CDH12: variants seen among roughly 807,000 people sequenced by gnomAD.
CDH12 encodes the protein cadherin-12.
Under a neutral mutation model 74.1 loss-of-function variants are expected in CDH12, and 41 were observed. The ratio of observed to expected loss-of-function variants is 0.55; its 90% CI spans 0.43 to 0.72. The LOEUF is 0.72. CDH12 is among the 30% of genes least tolerant of loss of function. CDH12 has a pLI of 0.00. For synonymous variants in CDH12, 399 were observed against 355.0 expected (o/e 1.12, Z -1.39); for missense variants, 945 against 977.2 (o/e 0.97, Z 0.44).
intron 3 of CDH12, among the ~76,000 whole-genome samples, chr5:22,249,340 G>T (rs1340826109): frequency 2.0e-5 from 3 of 152,166 alleles, no homozygotes; most frequent in African/African-American, 7.2e-5. Flanking sequence ...AAGCAGAATG[G>T]TCATGAAAGA....
intron 10 of CDH12, among the ~76,000 whole-genome samples, chr5:21,792,832 T>C (rs1010348325): frequency 6.6e-6 from 1 of 151,756 alleles, no homozygotes; most frequent in Admixed American, 6.6e-5. Context: ...CTTGCTCTAA[T>C]AGAAAGAAAA....
At chr5:22,439,110 A>T (rs1016056697) in intron 2 of CDH12, among the ~76,000 whole-genome samples, 1 of 151,870 alleles carries the variant, frequency 6.6e-6, no homozygotes, top group African/African-American at 2.4e-5. Flanking sequence ...AACAAAGGGA[A>T]ATAATACAAA....
At chr5:22,495,201 C>T (rs1056061331) in intron 2 of CDH12, among the ~76,000 whole-genome samples, 2 of 151,884 alleles carry the variant, frequency 1.3e-5, no homozygotes, top group African/African-American at 2.4e-5. Context: ...TCAAACAACA[C>T]AAAAAAATGG....
chr5:22,023,562 A>G (rs56761758), intron 5 of CDH12, among the ~76,000 whole-genome samples: 2,101 of 151,462 alleles, frequency 0.014, 48 homozygotes, highest in African/African-American at 0.049. Flanking sequence ...ATATATACAC[A>G]CGAATATTCT....
chr5:22,150,023 G>A (rs4510546), intron 4 of CDH12, among the ~76,000 whole-genome samples: 77,073 of 151,600 alleles, frequency 0.51, 19,749 homozygotes, highest in Middle Eastern at 0.61. Flanking sequence ...AAAATATTTC[G>A]CTCATAAATT....
intron 1 of CDH12, among the ~76,000 whole-genome samples, chr5:22,804,588 C>T (rs1361373757): frequency 1.3e-5 from 2 of 152,168 alleles, no homozygotes; most frequent in African/African-American, 2.4e-5. Flanking sequence ...GGTAGACCAC[C>T]TTCTCTGGGA....
rs143819687 is a variant in CDH12, at chr5:22,717,887, C to A, written c.-523+135171G>T. 1.0e-3 allele frequency among the ~76,000 whole-genome samples: 153 copies of A among 152,142 alleles called. 2 individuals carry two copies. Among genetic ancestry groups the A allele is most frequent in the African/African-American group, 3.5e-3 (147 of 41,502 alleles). ...AGACAGACCTTGTGTCCTGATCTTG[C>A]CTAAAAACTAATATCTACATCCACA... On this transcript the variant is annotated intron_variant, in intron 1 of 14. Transcript: ENST00000382254.
intron 6 of CDH12, among the ~76,000 whole-genome samples, chr5:21,931,047 T>C (rs558273647): frequency 6.6e-6 from 1 of 152,300 alleles, no homozygotes; most frequent in East Asian, 1.9e-4. Flanking sequence ...CTCTCAGTGT[T>C]AATGTTAATA....
At chr5:22,516,822 G>A (rs1267281710) in intron 1 of CDH12, among the ~76,000 whole-genome samples, 1 of 151,154 alleles carries the variant, frequency 6.6e-6, no homozygotes, top group East Asian at 1.9e-4. Flanking sequence ...TAAAATTGTG[G>A]CATATTAATT....
At chr5:22,409,316 T>C (rs1462338060) in intron 2 of CDH12, among the ~76,000 whole-genome samples, 1 of 152,018 alleles carries the variant, frequency 6.6e-6, no homozygotes, top group South Asian at 2.1e-4. Flanking sequence ...TATACACTTG[T>C]AGCACAGCAT....
chr5:22,682,276 A>T (rs1370249119), intron 1 of CDH12, among the ~76,000 whole-genome samples: 1 of 152,132 alleles, frequency 6.6e-6, no homozygotes, highest in Non-Finnish European at 1.5e-5. Context: ...TGCTGTTATC[A>T]CATCAATATT....
At chr5:21,794,503 G>C (rs1746673337) in intron 10 of CDH12, among the ~76,000 whole-genome samples, 1 of 151,696 alleles carries the variant, frequency 6.6e-6, no homozygotes, top group South Asian at 2.1e-4. Flanking sequence ...AGCTACTCCT[G>C]CAGTTTCTAA....
chr5:21,834,083 A>T (rs569393819), intron 8 of CDH12, among the ~76,000 whole-genome samples: 55 of 151,994 alleles, frequency 3.6e-4, no homozygotes, highest in African/African-American at 1.3e-3. Context: ...TATTTCTATT[A>T]CTCATGCCTA....
rs114537981 is a variant in CDH12 at position 22,533,165 on chromosome 5, T to C, written c.-522-27801A>G. 4.9e-3 allele frequency among the ~76,000 whole-genome samples: 740 copies of C among 152,288 alleles called. 6 individuals are homozygous for C. The highest frequency in any genetic ancestry group is 0.017 in the African/African-American group (715 of 41,566). On this transcript the variant is annotated intron_variant, in intron 1 of 14. Coordinates refer to ENST00000382254, the MANE Select transcript of CDH12 (RefSeq NM_004061.5). The stretch of plus-strand genomic sequence containing the variant: ...TCAGTGGTTCTCAACAGGGAGAGAT[T>C]TGACAATGTCAGGGGACATTTTTGG...
intron 4 of CDH12, chr5:22,144,287 TG>T (rs1747013926): frequency 6.6e-6 from 1 of 152,176 alleles, no homozygotes; most frequent in South Asian, 2.1e-4. Flanking sequence ...TCATATCTAT[TG>T]GTTACAGTTT....
intron 1 of CDH12, among the ~76,000 whole-genome samples, chr5:22,597,105 C>T (rs1736639597): frequency 6.6e-6 from 1 of 152,110 alleles, no homozygotes; most frequent in Non-Finnish European, 1.5e-5. Context: ...TCTCTCCACC[C>T]AATTAATCAA....
chr5:22,089,210 A>G (rs1448546321), intron 4 of CDH12, among the ~76,000 whole-genome samples: 1 of 152,196 alleles, frequency 6.6e-6, no homozygotes, highest in East Asian at 1.9e-4. Flanking sequence ...TCACTAAGAG[A>G]TAAATGACCA....
At chr5:22,116,387 C>T (rs533149017) in intron 4 of CDH12, among the ~76,000 whole-genome samples, 3 of 152,182 alleles carry the variant, frequency 2.0e-5, no homozygotes, top group Admixed American at 6.5e-5. Flanking sequence ...GGGCGGGTCA[C>T]GAGGTCAGGA....
At chr5:22,613,830 G>A (rs916451281) in intron 1 of CDH12, among the ~76,000 whole-genome samples, 12 of 152,100 alleles carry the variant, frequency 7.9e-5, no homozygotes, top group East Asian at 3.9e-4. Context: ...TGTGTATCAC[G>A]TTTATGAAAA....
Sources: gnomAD v4.1 joint callset for allele counts (sites outside exome capture counted in the v4.1 genomes callset) on GRCh38, gnomAD v4.1.1 for gene constraint, MANE v1.5 for transcripts, NCBI Gene and HGNC (gene_info 2026-07-23, HGNC 2026-07-21) for gene names.